Variants in CCDC81 observed in about 807,000 individuals in gnomAD.
CCDC81 encodes the protein coiled-coil domain containing 81, also known as coiled-coil domain-containing protein 81.
In CCDC81, 79 loss-of-function variants were observed where a neutral mutation model predicts 83.7. That is an observed-to-expected ratio of 0.94 (90% CI 0.79 to 1.14). The LOEUF (loss-of-function observed/expected upper bound fraction) is 1.14, where lower values mean the gene tolerates loss of function less well. CCDC81 is among the 50% of genes most tolerant of loss of function. The probability of loss-of-function intolerance (pLI) is 0.00; values close to 1 mark genes in which losing one functional copy is unlikely to be tolerated. For synonymous variants in CCDC81, 252 were observed against 278.1 expected, an observed-to-expected ratio of 0.91 and a Z score of 0.93; for missense variants, 791 against 778.1, an observed-to-expected ratio of 1.02 and a Z score of -0.20.
intron 13 of CCDC81, chr11:86,419,242 G>A (rs186769730): frequency 3.2e-4 from 48 of 152,352 alleles, no homozygotes; most frequent in African/African-American, 1.1e-3. Flanking sequence ...GCAAGAAATA[G>A]ACACATAATC....
At chr11:86,388,660 G>A (rs1948282039) in intron 3 of CCDC81, among the ~76,000 whole-genome samples, 1 of 152,180 alleles carries the variant, frequency 6.6e-6, no homozygotes, top group Non-Finnish European at 1.5e-5. Flanking sequence ...TATATATTCA[G>A]TATGGTGGGC....
In CCDC81 at chr11:86,412,531, C is replaced by A. The variant is rs34903369; in HGVS notation, c.1363C>A (p.Arg455Ser). The A allele has an allele frequency of 1.4e-3, 2,262 of 1,611,172 alleles. 26 individuals are homozygous for A. The African/African-American group carries it at 0.025, about 18-fold the overall frequency. ...AAGACAATACAGAGAGTTGATGGAC[C>A]GCCTGGAACAAGTGCAACTCACAGA... ...KQRQYRELMDRLEQVQLTEEL... is the reference protein window; with the variant it reads ...KQRQYRELMDSLEQVQLTEEL... The change falls in exon 11 of 15, where the codon CGC becomes AGC. Residue 455 changes from arginine to serine, a missense_variant. Physicochemically the swap from Arg to Ser is moderately radical, Grantham distance 110. Transcript: ENST00000445632.
chr11:86,375,154 G>C lies in CCDC81; in HGVS notation c.-10G>C, dbSNP rs776874250. The C allele has an allele frequency of 6.2e-7, 1 of 1,612,912 alleles. No individual in the cohort carries two copies. The highest frequency in any genetic ancestry group is 1.3e-5 in the African/African-American group (1 of 74,896). On this transcript the variant is annotated 5_prime_UTR_variant, in exon 1 of 15. Coordinates refer to ENST00000445632, the MANE Select transcript of CCDC81 (RefSeq NM_001156474.2). ...CGAACATTCAGTACGGAGTCACCTG[G>C]AAATTGGAGATGTTGGATACGATCG...
At chr11:86,407,772 G>C in intron 8 of CCDC81, 71 bp downstream of exon 8, 1 of 1,145,878 alleles carries the variant, frequency 8.7e-7, no homozygotes, top group Non-Finnish European at 1.3e-6. Flanking sequence ...AGAGAGTTCT[G>C]GGAATCTCTC....
intron 7 of CCDC81, among the ~76,000 whole-genome samples, chr11:86,405,955 G>C (rs1948560396): frequency 6.6e-6 from 1 of 151,938 alleles, no homozygotes; most frequent in African/African-American, 2.4e-5. Context: ...CGGAGACAGG[G>C]TTTCACCATG....
intron 7 of CCDC81, among the ~76,000 whole-genome samples, chr11:86,405,599 T>G (rs1948554864): frequency 6.6e-6 from 1 of 152,192 alleles, no homozygotes; most frequent in Non-Finnish European, 1.5e-5. Context: ...CCATGTTTCT[T>G]CAGTATGCTT....
rs547298439 is a variant in CCDC81, at chr11:86,420,217, TTA to T, written c.1817+165_1817+166del. ...TGCCGTGATTGATTAGAAATGTCTG[TTA>T]CAGACATGGGATTGGAGAATGCTGA... On this transcript the variant is annotated intron_variant, in intron 14 of 14. Coordinates refer to ENST00000445632, the MANE Select transcript of CCDC81 (RefSeq NM_001156474.2). Among the ~76,000 whole-genome samples the T allele has an allele frequency of 2.6e-5, 4 of 152,336 alleles. No homozygotes were observed. The East Asian group carries it at 7.7e-4, about 29-fold the overall frequency.
At chr11:86,406,274 T>C (rs1193937090) in intron 7 of CCDC81, among the ~76,000 whole-genome samples, 2 of 152,238 alleles carry the variant, frequency 1.3e-5, no homozygotes, top group African/African-American at 4.8e-5. Context: ...CTGACAGTTG[T>C]CCTGATGCAA....
At position 86,408,198 on chromosome 11, in the gene CCDC81, A is replaced by G; in HGVS notation, c.1041A>G (p.Arg347=). ...SLLYYSEERR[R]EIEDERLIQQ... is the part of the protein sequence containing the mutation. ...TGTACTACAGTGAGGAAAGGAGGAG[A>G]GAGATAGAAGATGAGAGACTCATAC... The change falls in exon 9 of 15, where the codon AGA becomes AGG. Residue 347 remains arginine (R), a synonymous_variant. Coordinates refer to ENST00000445632, the MANE Select transcript of CCDC81 (RefSeq NM_001156474.2). 6.2e-7 allele frequency: 1 copy of G among 1,614,054 alleles called. No homozygotes were observed. The highest frequency in any genetic ancestry group is 2.2e-5 in the East Asian group (1 of 44,876).
intron 2 of CCDC81, among the ~76,000 whole-genome samples, chr11:86,386,376 C>G (rs372066606): frequency 2.6e-5 from 4 of 152,136 alleles, no homozygotes; most frequent in African/African-American, 9.7e-5. Context: ...GAGTGTAGTG[C>G]TGATCAGCCT....
chr11:86,409,263 G>A lies in CCDC81; in HGVS notation c.1116G>A (p.Met372Ile), dbSNP rs1395245881. The A allele has an allele frequency of 1.5e-6, 2 of 1,372,424 alleles. No individual in the cohort carries two copies. The highest frequency in any genetic ancestry group is 1.9e-6 in the Non-Finnish European group (2 of 1,034,800). 85.0% of individuals were successfully genotyped at this position (1,372,424 alleles called of 1,614,324 possible). The change falls in exon 10 of 15, where the codon ATG becomes ATA. Residue 372 changes from methionine to isoleucine, a missense_variant and splice_region_variant. Transcript: ENST00000445632. Reference protein sequence around the residue: ...KDQEALFRHQMKSLATREQNQ... With the variant: ...KDQEALFRHQIKSLATREQNQ... The stretch of plus-strand genomic sequence containing the variant: ...CTTTTTTTTTTTTTAAACAATAGAT[G>A]AAAAGTCTGGCTACTAGAGAACAGA...
At position 86,412,448 on chromosome 11, in the gene CCDC81, A is replaced by G; in HGVS notation, c.1280A>G (p.Glu427Gly). Residue 427 changes from glutamate (E) to glycine (G), a missense_variant, in exon 11 of 15, where the codon GAA becomes GGA. Transcript: ENST00000445632. ...SPALNALKQE[E>G]YSRSLLKQMD... Reference sequence around the variant, plus strand: ...GCGCTTAATGCTCTTAAGCAAGAGGAATATTCCCGGAGTCTCCTGAAACAA... The same window carrying G: ...GCGCTTAATGCTCTTAAGCAAGAGGGATATTCCCGGAGTCTCCTGAAACAA... The G allele has an allele frequency of 6.2e-7, 1 of 1,613,950 alleles. No individual in the cohort carries two copies. The highest frequency in any genetic ancestry group is 8.5e-7 in the Non-Finnish European group (1 of 1,179,840).
In CCDC81 at chr11:86,387,500, T is replaced by C; in HGVS notation, c.142-16T>C. 6.2e-7 allele frequency: 1 copy of C among 1,612,178 alleles called. No homozygotes were observed. The highest frequency in any genetic ancestry group is 8.5e-7 in the Non-Finnish European group (1 of 1,179,372). ...TCCTTCAATGAATTCTGTTTTGTTT[T>C]GTTTTTTCCTTTCAGGGGGTTCAGA... On this transcript the variant is annotated splice_polypyrimidine_tract_variant and intron_variant, in intron 2 of 14. Transcript: ENST00000445632.
intron 3 of CCDC81, among the ~76,000 whole-genome samples, chr11:86,388,218 T>C (rs796667985): frequency 1.7e-5 from 2 of 116,326 alleles, no homozygotes; most frequent in African/African-American, 6.0e-5. Context: ...CCCTCCTTCC[T>C]TCCTTCCTTC....
chr11:86,422,678 T>C lies in CCDC81; in HGVS notation c.1922T>C (p.Leu641Pro). The C allele has an allele frequency of 6.2e-7, 1 of 1,614,158 alleles. No homozygotes were observed. Among genetic ancestry groups the C allele is most frequent in the Non-Finnish European group, 8.5e-7 (1 of 1,179,994 alleles). ...SNVGESNLWP[L>P]NKFLPGSRLL... is the part of the protein sequence containing the mutation. ...GTGGGCGAGAGCAACCTGTGGCCCC[T>C]GAACAAGTTCCTGCCTGGCTCCCGG... The change falls in exon 15 of 15, where the codon CTG becomes CCG. Residue 641 changes from leucine (L) to proline (P), a missense_variant. Coordinates refer to ENST00000445632, the MANE Select transcript of CCDC81 (RefSeq NM_001156474.2).
At chr11:86,384,673 A>G (rs926408246) in intron 1 of CCDC81, among the ~76,000 whole-genome samples, 3 of 152,230 alleles carry the variant, frequency 2.0e-5, no homozygotes, top group African/African-American at 7.2e-5. Flanking sequence ...AAAGTGGAAA[A>G]AGGATTGGGC....
At chr11:86,403,013 A>ATTTTTTTTTTT (rs545083032) in intron 7 of CCDC81, among the ~76,000 whole-genome samples, 6 of 112,486 alleles carry the variant, frequency 5.3e-5, no homozygotes, top group East Asian at 2.7e-4. Flanking sequence ...TAATTTTTTG[A>ATTTTTTTTTTT]TTTTTTTTTT....
intron 3 of CCDC81, among the ~76,000 whole-genome samples, chr11:86,390,041 G>T (rs7105530): frequency 2.6e-5 from 4 of 152,116 alleles, no homozygotes; most frequent in Non-Finnish European, 4.4e-5. Context: ...AGAGGCGGAG[G>T]TTGCAATGGG....
intron 10 of CCDC81, among the ~76,000 whole-genome samples, chr11:86,410,576 G>A (rs996753123): frequency 3.9e-5 from 6 of 152,128 alleles, no homozygotes; most frequent in Non-Finnish European, 5.9e-5. Flanking sequence ...AGGAGAGAGC[G>A]AGCGAGCATG....
Sources: allele counts gnomAD v4.1 joint callset (sites outside exome capture counted in the v4.1 genomes callset), GRCh38; gene constraint gnomAD v4.1.1; transcripts MANE v1.5; gene names NCBI Gene and HGNC (gene_info 2026-07-23, HGNC 2026-07-21).